CRY2: variants seen among roughly 807,000 people sequenced by gnomAD.
CRY2 encodes cryptochrome-2.
A neutral mutation model predicts 69.5 loss-of-function variants in CRY2; 31 were observed. The observed-to-expected ratio is 0.45, with a 90% CI of 0.34 to 0.60. The LOEUF (loss-of-function observed/expected upper bound fraction) is 0.60, where lower values mean the gene tolerates loss of function less well. CRY2 is among the 20% of genes least tolerant of loss of function. The pLI is 0.02. For missense variants in CRY2, 606 were observed against 797.8 expected, an observed-to-expected ratio of 0.76 and a Z score of 2.90; for synonymous variants, 303 against 312.2, an observed-to-expected ratio of 0.97 and a Z score of 0.31.
chr11:45,870,204 G>C lies in CRY2; in HGVS notation c.1346G>C (p.Arg449Thr). ...RRTDPSGDYI[R>T]RYLPKLKAFP... The stretch of plus-strand genomic sequence containing the variant: ...ACGGACCCCAGTGGGGACTACATCA[G>C]GTGAGGATACAGACCAGGCTCTCTG... The change falls in exon 8 of 12, where the codon AGG (arginine) becomes ACG (threonine). Residue 449 changes from arginine (R) to threonine (T), a missense_variant and splice_region_variant. Arg to Thr is a moderately conservative substitution (Grantham distance 71, BLOSUM62 -1). Transcript: ENST00000616080. The C allele has an allele frequency of 6.2e-7, 1 of 1,612,030 alleles. No homozygotes were observed. The highest frequency in any genetic ancestry group is 8.5e-7 in the Non-Finnish European group (1 of 1,178,912).
In CRY2 at chr11:45,851,065, C is replaced by T. The variant is rs566617794; in HGVS notation, c.215+3360C>T. Among the ~76,000 whole-genome samples, 7 of 151,636 alleles carry T rather than the reference C, an allele frequency of 4.6e-5. No individual in the cohort carries two copies. In the East Asian group the frequency reaches 1.4e-3, roughly 29 times the overall value. On this transcript the variant is annotated intron_variant, in intron 1 of 11. Transcript: ENST00000616080. ...TTTTTCCAAGTGCTACTTGGCTAAGCCCTTTCACATTTTCCCCAGCCTCAC... is the reference window on the plus strand; with the variant it reads ...TTTTTCCAAGTGCTACTTGGCTAAGTCCTTTCACATTTTCCCCAGCCTCAC...
At chr11:45,852,270 C>G (rs2086203747) in intron 1 of CRY2, among the ~76,000 whole-genome samples, 1 of 152,204 alleles carries the variant, frequency 6.6e-6, no homozygotes, top group Non-Finnish European at 1.5e-5. Flanking sequence ...AGTGCCAGCC[C>G]CCAACACCAC....
chr11:45,858,994 TTCTAGAA>T, intron 3 of CRY2, 121 bp downstream of exon 3: 1 of 1,234,974 alleles, frequency 8.1e-7, no homozygotes, highest in Non-Finnish European at 1.1e-6. Flanking sequence ...GCATGGCATC[TTCTAGAA>T]GCTGGAGGAG....
At chr11:45,854,288 C>A (rs539168624) in intron 1 of CRY2, among the ~76,000 whole-genome samples, 1 of 152,214 alleles carries the variant, frequency 6.6e-6, no homozygotes. Context: ...CAGTGGATTA[C>A]CTGTAGTCAC....
At position 45,864,743 on chromosome 11, in the gene CRY2, C is replaced by T. The variant is rs2134639534; in HGVS notation, c.741+2595C>T. On this transcript the variant is annotated intron_variant, in intron 5 of 11. Transcript: ENST00000616080. ...ACTAGTTAGGCATGGTGGCGAGTGC[C>T]TGTAATCCCAGCTACTTGGGAGGTT... Among the ~76,000 whole-genome samples, 2 of 152,190 alleles carry T rather than the reference C, an allele frequency of 1.3e-5. 1 individual carries two copies. Among genetic ancestry groups the T allele is most frequent in the South Asian group, 4.1e-4 (2 of 4,826 alleles).
At chr11:45,850,031 G>T (rs549364935) in intron 1 of CRY2, among the ~76,000 whole-genome samples, 1 of 151,200 alleles carries the variant, frequency 6.6e-6, no homozygotes, top group Non-Finnish European at 1.5e-5. Flanking sequence ...TTTGAGACGG[G>T]GTCCTGCTCA....
intron 1 of CRY2, among the ~76,000 whole-genome samples, chr11:45,849,311 T>C (rs1029673290): frequency 2.0e-5 from 3 of 152,122 alleles, no homozygotes; most frequent in African/African-American, 7.2e-5. Flanking sequence ...GATGCCTGAG[T>C]CAAATCCTGA....
Position 45,869,763 on chromosome 11 carries a change from G to C in CRY2, c.1140G>C (p.Val380=), listed in dbSNP as rs145976909. 238 of 1,613,644 alleles carry C rather than the reference G, an allele frequency of 1.5e-4. No individual in the cohort carries two copies. The African/African-American group carries it at 2.9e-3, about 20-fold the overall frequency. ...TCCACCACCTGGCCCGGCATGCCGTGGCCTGCTTCCTGACCCGCGGGGACC... is the reference window on the plus strand; with the variant it reads ...TCCACCACCTGGCCCGGCATGCCGTCGCCTGCTTCCTGACCCGCGGGGACC... The part of the protein sequence containing the change: ...GWIHHLARHA[V]ACFLTRGDLW... The change falls in exon 7 of 12, where the codon GTG becomes GTC. Residue 380 remains valine, a synonymous_variant. Transcript: ENST00000616080.
In CRY2 at chr11:45,865,666, G is replaced by A. The variant is rs1213752132; in HGVS notation, c.742-1946G>A. ...GGCAAAGGCCAGTGAGAGCAGATGCGTAAAGAAGAGGGGCAGCAGGAGGCG... is the reference window on the plus strand; with the variant it reads ...GGCAAAGGCCAGTGAGAGCAGATGCATAAAGAAGAGGGGCAGCAGGAGGCG... On this transcript the variant is annotated intron_variant, in intron 5 of 11. Transcript: ENST00000616080. 2.6e-5 allele frequency among the ~76,000 whole-genome samples: 4 copies of A among 152,120 alleles called. 1 individual carries two copies. Among genetic ancestry groups the A allele is most frequent in the South Asian group, 4.1e-4 (2 of 4,830 alleles).
chr11:45,852,986 T>C (rs1376739200), intron 1 of CRY2, among the ~76,000 whole-genome samples: 1 of 152,228 alleles, frequency 6.6e-6, no homozygotes, highest in African/African-American at 2.4e-5. Flanking sequence ...TGAGTTGGCC[T>C]GTGGTGCTCC....
intron 1 of CRY2, among the ~76,000 whole-genome samples, chr11:45,849,409 G>A (rs1199706587): frequency 6.6e-6 from 1 of 152,090 alleles, no homozygotes; most frequent in East Asian, 1.9e-4. Context: ...ATGTTGCTAG[G>A]GATACAGCAG....
intron 4 of CRY2, chr11:45,861,346 A>G: frequency 3.8e-6 from 1 of 260,696 alleles, no homozygotes. Flanking sequence ...TGGGCTTCTC[A>G]GTAACAAGAT....
intron 11 of CRY2, among the ~76,000 whole-genome samples, chr11:45,876,216 T>A (rs1450966069): frequency 6.6e-6 from 1 of 152,044 alleles, no homozygotes; most frequent in Non-Finnish European, 1.5e-5. Context: ...CCTTTTGAGG[T>A]CTCCTTTAGC....
At chr11:45,867,568 T>TGC in intron 5 of CRY2, 44 bp from the exon 6 acceptor site, 1 of 1,611,494 alleles carries the variant, frequency 6.2e-7, no homozygotes, top group South Asian at 1.1e-5. Context: ...TTTCCTCTGT[T>TGC]ACATCCAAGC....
In CRY2 at chr11:45,858,841, G is replaced by T; in HGVS notation, c.435G>T (p.Thr145=). The T allele has an allele frequency of 6.2e-7, 1 of 1,614,168 alleles. No individual in the cohort carries two copies. The highest frequency in any genetic ancestry group is 8.5e-7 in the Non-Finnish European group (1 of 1,180,020). The change falls in exon 3 of 12, where the codon ACG becomes ACT. Residue 145 remains threonine, a synonymous_variant. Transcript: ENST00000616080. ...AGGAGGCTGGTGTGGAAGTAGTGAC[G>T]GAGAATTCTCATACCCTCTATGACC... ...MAKEAGVEVV[T]ENSHTLYDLD...
chr11:45,856,905 G>A (rs559334847), intron 2 of CRY2, among the ~76,000 whole-genome samples: 52 of 152,080 alleles, frequency 3.4e-4, no homozygotes, highest in Middle Eastern at 3.4e-3. Flanking sequence ...TCTGTTTGCA[G>A]TAACGGGGCC....
chr11:45,869,433 A>C, intron 6 of CRY2, 73 bp from the exon 7 acceptor site: 1 of 1,482,420 alleles, frequency 6.7e-7, no homozygotes, highest in Non-Finnish European at 9.1e-7. Context: ...ATTCCTTTGT[A>C]GAAGAGACCT....
chr11:45,877,258 G>A (rs1590774156), intron 11 of CRY2, among the ~76,000 whole-genome samples: 2 of 152,198 alleles, frequency 1.3e-5, no homozygotes, highest in Non-Finnish European at 2.9e-5. Context: ...AGCAGGTAGC[G>A]AACCCTCTGC....
At chr11:45,871,597 A>G (rs1286859083) in intron 10 of CRY2, among the ~76,000 whole-genome samples, 1 of 152,204 alleles carries the variant, frequency 6.6e-6, no homozygotes, top group African/African-American at 2.4e-5. Flanking sequence ...GGTGGCCGCA[A>G]GGAGAAAGAC....
Sources: gnomAD v4.1 joint callset for allele counts (sites outside exome capture counted in the v4.1 genomes callset) on GRCh38, gnomAD v4.1.1 for gene constraint, MANE v1.5 for transcripts, NCBI Gene and HGNC (gene_info 2026-07-23, HGNC 2026-07-21) for gene names.